The following LSAMP variants were observed in gnomAD, a reference collection of about 807,000 sequenced individuals.
LSAMP encodes the protein limbic system-associated membrane protein.
A neutral mutation model predicts 38.6 loss-of-function variants in LSAMP; 7 were observed. The observed-to-expected ratio is 0.18, with a 90% CI of 0.10 to 0.34. The LOEUF (loss-of-function observed/expected upper bound fraction) is 0.34. Among genes scored for constraint, LSAMP ranks in the 10% least tolerant of loss-of-function variants. LSAMP has a pLI of 1.00. For synonymous variants in LSAMP, 154 were observed against 166.8 expected (o/e 0.92, Z 0.59); for missense variants, 313 against 420.0 (o/e 0.75, Z 2.23).
At chr3:116,159,781 G>A (rs1041978778) in intron 1 of LSAMP, among the ~76,000 whole-genome samples, 2 of 152,160 alleles carry the variant, frequency 1.3e-5, no homozygotes, top group African/African-American at 4.8e-5. Flanking sequence ...GCATGCTTAT[G>A]TTCACTGCAG....
chr3:116,372,610 A>G (rs2048443918), intron 1 of LSAMP, among the ~76,000 whole-genome samples: 2 of 152,004 alleles, frequency 1.3e-5, no homozygotes, highest in Admixed American at 6.6e-5. Context: ...GACACTATCA[A>G]CAGAGTAAAA....
chr3:116,231,958 T>C lies in LSAMP; in HGVS notation c.156-145402A>G, dbSNP rs148201331. ...TAACTTCTGTTTGGTGTTCCACAGA[T>C]TGTCACACCTTGAAAATTCCACCTT... On this transcript the variant is annotated intron_variant, in intron 1 of 6. Coordinates refer to ENST00000490035, the MANE Select transcript of LSAMP (RefSeq NM_002338.5). Among the ~76,000 whole-genome samples, 872 of 152,320 alleles carry C rather than the reference T, an allele frequency of 5.7e-3. 7 individuals carry two copies. The highest frequency in any genetic ancestry group is 0.02 in the African/African-American group (824 of 41,558).
chr3:116,408,685 A>G (rs1162146473), intron 1 of LSAMP, among the ~76,000 whole-genome samples: 1 of 152,088 alleles, frequency 6.6e-6, no homozygotes, highest in Non-Finnish European at 1.5e-5. Context: ...AGATTGCACA[A>G]TATCTCAGAG....
intron 1 of LSAMP, among the ~76,000 whole-genome samples, chr3:116,103,268 C>A (rs1197488345): frequency 4.6e-5 from 7 of 151,940 alleles, no homozygotes; most frequent in Admixed American, 4.6e-4. Context: ...GAATTTGAGA[C>A]CAGCCTGGGC....
intron 1 of LSAMP, among the ~76,000 whole-genome samples, chr3:116,224,329 A>G (rs2046319336): frequency 6.6e-6 from 1 of 152,212 alleles, no homozygotes; most frequent in Non-Finnish European, 1.5e-5. Flanking sequence ...TCATTTGCAT[A>G]ACACATCCAA....
intron 1 of LSAMP, among the ~76,000 whole-genome samples, chr3:116,125,230 C>G (rs1446540101): frequency 6.6e-6 from 1 of 152,152 alleles, no homozygotes; most frequent in East Asian, 1.9e-4. Flanking sequence ...TTAACAAGAA[C>G]AAAATAAGAC....
At chr3:116,000,269 T>A (rs976390599) in intron 3 of LSAMP, among the ~76,000 whole-genome samples, 1 of 152,126 alleles carries the variant, frequency 6.6e-6, no homozygotes, top group Non-Finnish European at 1.5e-5. Flanking sequence ...GTGGAAACCA[T>A]CTCACTTAAT....
At chr3:116,028,495 A>G (rs1049109137) in intron 2 of LSAMP, among the ~76,000 whole-genome samples, 1 of 152,178 alleles carries the variant, frequency 6.6e-6, no homozygotes, top group Non-Finnish European at 1.5e-5. Context: ...TGAATAAATG[A>G]CCAAACTATA....
intron 1 of LSAMP, among the ~76,000 whole-genome samples, chr3:116,171,895 G>C (rs73140933): frequency 1.1e-3 from 160 of 152,096 alleles, no homozygotes; most frequent in Non-Finnish European, 1.8e-3. Flanking sequence ...CTCAAAAAAT[G>C]ACTGATCGAT....
chr3:116,383,469 T>C (rs2048588170), intron 1 of LSAMP, among the ~76,000 whole-genome samples: 1 of 152,176 alleles, frequency 6.6e-6, no homozygotes, highest in South Asian at 2.1e-4. Flanking sequence ...AAGTACATTA[T>C]GCCTTATCTA....
chr3:116,353,817 G>A (rs1434686504), intron 1 of LSAMP, among the ~76,000 whole-genome samples: 2 of 152,008 alleles, frequency 1.3e-5, no homozygotes, highest in Non-Finnish European at 2.9e-5. Context: ...ACAAACACTG[G>A]ACTATAAATT....
At chr3:116,296,350 T>G (rs2047332950) in intron 1 of LSAMP, among the ~76,000 whole-genome samples, 1 of 152,070 alleles carries the variant, frequency 6.6e-6, no homozygotes, top group Non-Finnish European at 1.5e-5. Context: ...ACAGCAATAT[T>G]TGCTTTGTTC....
intron 3 of LSAMP, among the ~76,000 whole-genome samples, chr3:115,857,734 T>A (rs1238511087): frequency 6.6e-6 from 1 of 152,206 alleles, no homozygotes; most frequent in Non-Finnish European, 1.5e-5. Flanking sequence ...GTATGCACCT[T>A]TTAAACTCTT....
At chr3:116,242,820 T>C (rs2046555927) in intron 1 of LSAMP, among the ~76,000 whole-genome samples, 2 of 80,980 alleles carry the variant, frequency 2.5e-5, no homozygotes, top group South Asian at 6.3e-4. Flanking sequence ...ACTTTCACTC[T>C]TACCTGCCTC....
At chr3:116,070,834 A>G (rs1401710378) in intron 2 of LSAMP, among the ~76,000 whole-genome samples, 1 of 152,104 alleles carries the variant, frequency 6.6e-6, no homozygotes, top group African/African-American at 2.4e-5. Flanking sequence ...TGAGGTGGGG[A>G]GTTCGAGACC....
intron 1 of LSAMP, among the ~76,000 whole-genome samples, chr3:116,141,396 G>A (rs1418028967): frequency 1.4e-5 from 2 of 139,194 alleles, no homozygotes; most frequent in African/African-American, 5.1e-5. Context: ...GTAGAGAAAG[G>A]TGAAAATGTA....
At chr3:115,815,971 T>C (rs1279586394) in intron 6 of LSAMP, among the ~76,000 whole-genome samples, 2 of 152,170 alleles carry the variant, frequency 1.3e-5, no homozygotes, top group African/African-American at 4.8e-5. Context: ...TCCGCAAGAA[T>C]AGATTTCCAC....
intron 1 of LSAMP, among the ~76,000 whole-genome samples, chr3:116,415,384 T>C (rs941922295): frequency 6.6e-6 from 1 of 152,094 alleles, no homozygotes; most frequent in Non-Finnish European, 1.5e-5. Flanking sequence ...GGGAGGGCTA[T>C]AGATACAAAG....
intron 1 of LSAMP, among the ~76,000 whole-genome samples, chr3:116,344,413 G>A (rs1040889563): frequency 6.6e-6 from 1 of 152,136 alleles, no homozygotes; most frequent in African/African-American, 2.4e-5. Context: ...AGGGGGTGAT[G>A]AGGGGGAGAA....
Sources: allele counts gnomAD v4.1 joint callset (sites outside exome capture counted in the v4.1 genomes callset), GRCh38; gene constraint gnomAD v4.1.1; transcripts MANE v1.5; gene names NCBI Gene and HGNC (gene_info 2026-07-23, HGNC 2026-07-21).